CDC42SE2: variants seen among roughly 807,000 people sequenced by gnomAD.
CDC42SE2 encodes CDC42 small effector 2, also known as CDC42 small effector protein 2.
A neutral mutation model predicts 11.5 loss-of-function variants in CDC42SE2; 3 were observed. The observed-to-expected ratio is 0.26, with a 90% CI of 0.12 to 0.67. CDC42SE2 has a LOEUF of 0.67. CDC42SE2 is among the 30% of genes least tolerant of loss of function. The probability of loss-of-function intolerance (pLI) is 0.80; values close to 1 mark genes in which losing one functional copy is unlikely to be tolerated. For missense variants in CDC42SE2, 82 were observed against 106.8 expected (o/e 0.77, Z 1.02); for synonymous variants, 33 against 34.8 (o/e 0.95, Z 0.18).
rs961615714 is a variant in CDC42SE2 at position 131,334,958 on chromosome 5, T to G, written c.-286+18814T>G. Among the ~76,000 whole-genome samples the G allele has an allele frequency of 2.0e-5, 3 of 152,114 alleles. No individual in the cohort carries two copies. In the South Asian group the frequency reaches 6.2e-4, roughly 32 times the overall value. On this transcript the variant is annotated intron_variant, in intron 2 of 4. Coordinates refer to ENST00000505065, the MANE Select transcript of CDC42SE2 (RefSeq NM_001375635.1). ...ATTTTTTGAAGGCTTTTTTGTGTCTTTGTTTCCTTCAGTTCTGCTCTGATC... is the reference window on the plus strand; with the variant it reads ...ATTTTTTGAAGGCTTTTTTGTGTCTGTGTTTCCTTCAGTTCTGCTCTGATC...
intron 1 of CDC42SE2, among the ~76,000 whole-genome samples, chr5:131,275,916 A>T (rs2149697317): frequency 6.6e-6 from 1 of 152,110 alleles, no homozygotes; most frequent in African/African-American, 2.4e-5. Context: ...TTTCCATGGT[A>T]AACTAGCAGC....
At chr5:131,290,967 A>G (rs1407801419) in intron 1 of CDC42SE2, among the ~76,000 whole-genome samples, 1 of 152,206 alleles carries the variant, frequency 6.6e-6, no homozygotes, top group Non-Finnish European at 1.5e-5. Context: ...AAGATAAAAA[A>G]GGAAAACCTT....
In CDC42SE2 at chr5:131,359,239, A is replaced by G; in HGVS notation, c.-255A>G. 1 of 515,692 alleles carries G rather than the reference A, an allele frequency of 1.9e-6. No individual in the cohort carries two copies. The allele number at this position is 515,692 out of a possible 1,614,324, so 31.9% of individuals were successfully genotyped here. A position where few individuals can be genotyped will look rare whatever the true frequency, so the allele number is the denominator to read the frequency against. On this transcript the variant is annotated 5_prime_UTR_variant, in exon 3 of 5. Transcript: ENST00000505065. ...CTGTTATAGTCCCTGGGTCAAGACA[A>G]CAATTTTTATACCTTCGTCGTGGTT...
At chr5:131,280,322 A>G (rs1410391716) in intron 1 of CDC42SE2, among the ~76,000 whole-genome samples, 1 of 152,212 alleles carries the variant, frequency 6.6e-6, no homozygotes, top group African/African-American at 2.4e-5. Context: ...ATAACTAGTC[A>G]GTGGTCATGT....
At chr5:131,324,604 A>G (rs1170827943) in intron 2 of CDC42SE2, among the ~76,000 whole-genome samples, 1 of 152,198 alleles carries the variant, frequency 6.6e-6, no homozygotes, top group African/African-American at 2.4e-5. Flanking sequence ...TGAGCTAATG[A>G]AACATAAAAA....
rs369480644 is a variant in CDC42SE2, at chr5:131,391,071, G to A, written c.235G>A (p.Val79Met). ...GCCTGCCAATGTCCAGATGCAGCTC[G>A]TGGATACGAAGGCGGGATAGCCCTG... is the stretch of plus-strand genomic sequence containing the variant. ...GMPANVQMQL[V>M]DTKAG Residue 79 changes from valine (V) to methionine (M), a missense_variant, in exon 5 of 5, where the codon GTG becomes ATG. Coordinates refer to ENST00000505065, the MANE Select transcript of CDC42SE2 (RefSeq NM_001375635.1). The A allele has an allele frequency of 8.1e-6, 13 of 1,612,580 alleles. No individual in the cohort carries two copies. The highest frequency in any genetic ancestry group is 3.3e-5 in the South Asian group (3 of 91,074).
At chr5:131,298,408 C>T (rs1354606248) in intron 1 of CDC42SE2, among the ~76,000 whole-genome samples, 1 of 151,836 alleles carries the variant, frequency 6.6e-6, no homozygotes, top group Non-Finnish European at 1.5e-5. Context: ...AGGCATGAGC[C>T]ACCGCGCCCG....
chr5:131,236,513 G>A, the CDC42SE2 span, among the ~76,000 whole-genome samples: 63,169 of 151,818 alleles, frequency 0.42, 19,074 homozygotes, highest in African/African-American at 0.85. Flanking sequence ...TGCAGTCTCC[G>A]CTTCCTAGGT....
At chr5:131,363,254 C>T (rs1749762473) in intron 3 of CDC42SE2, among the ~76,000 whole-genome samples, 2 of 137,666 alleles carry the variant, frequency 1.5e-5, no homozygotes, top group South Asian at 2.2e-4. Context: ...AAACAAGGAA[C>T]CCTGATTTAC....
intron 1 of CDC42SE2, among the ~76,000 whole-genome samples, chr5:131,275,146 A>G (rs1757074993): frequency 6.6e-6 from 1 of 152,164 alleles, no homozygotes; most frequent in African/African-American, 2.4e-5. Flanking sequence ...TGGAATAAAG[A>G]AAAGGAAAAC....
chr5:131,216,959 G>A, the CDC42SE2 span, among the ~76,000 whole-genome samples: 1 of 152,174 alleles, frequency 6.6e-6, no homozygotes, highest in East Asian at 1.9e-4. Flanking sequence ...AGGTAGCTTA[G>A]ACTGGGTGAA....
At chr5:131,210,900 G>A in the CDC42SE2 span, among the ~76,000 whole-genome samples, 4 of 152,226 alleles carry the variant, frequency 2.6e-5, no homozygotes, top group South Asian at 2.1e-4. Flanking sequence ...GTGCAGAGGC[G>A]GGATCTCAGC....
intron 3 of CDC42SE2, among the ~76,000 whole-genome samples, chr5:131,370,873 C>A (rs902882569): frequency 5.3e-5 from 8 of 151,866 alleles, no homozygotes; most frequent in Non-Finnish European, 1.5e-5. Context: ...GAGGATTAAG[C>A]CTTTGTCTGT....
intron 3 of CDC42SE2, among the ~76,000 whole-genome samples, chr5:131,367,099 AAT>A (rs938691240): frequency 4.0e-5 from 6 of 151,380 alleles, no homozygotes; most frequent in Non-Finnish European, 8.8e-5. Context: ...TATACAATCA[AAT>A]ATATATGTGT....
At chr5:131,342,215 G>A (rs1322093241) in intron 2 of CDC42SE2, among the ~76,000 whole-genome samples, 2 of 149,474 alleles carry the variant, frequency 1.3e-5, no homozygotes, top group Non-Finnish European at 3.0e-5. Flanking sequence ...GGGGGGTGGA[G>A]GTTGCAGTGA....
upstream of CDC42SE2, among the ~76,000 whole-genome samples, chr5:131,262,182 TC>T (rs1756744374): frequency 6.6e-6 from 1 of 151,472 alleles, no homozygotes; most frequent in Non-Finnish European, 1.5e-5. Context: ...TTTTTTTTGT[TC>T]TAGGAAATTT....
chr5:131,350,633 G>GTT (rs1408123859), intron 2 of CDC42SE2, among the ~76,000 whole-genome samples: 4 of 140,188 alleles, frequency 2.9e-5, no homozygotes, highest in African/African-American at 1.2e-4. Context: ...GTGTGTGTGT[G>GTT]TGTGTATATA....
At chr5:131,300,881 T>G (rs1353872226) in intron 1 of CDC42SE2, among the ~76,000 whole-genome samples, 2 of 152,242 alleles carry the variant, frequency 1.3e-5, no homozygotes, top group African/African-American at 2.4e-5. Flanking sequence ...ATGTGCATAT[T>G]GCATAATAAA....
At position 131,346,292 on chromosome 5, in the gene CDC42SE2, A is replaced by G. The variant is rs147563422; in HGVS notation, c.-285-12917A>G. Among the ~76,000 whole-genome samples, 1,382 of 152,294 alleles carry G rather than the reference A, an allele frequency of 9.1e-3. 25 individuals carry two copies. The highest frequency in any genetic ancestry group is 0.032 in the African/African-American group (1,314 of 41,536). The stretch of plus-strand genomic sequence containing the variant: ...GCAGAGACACACATAGGCTCAAAAT[A>G]AAGGGATGGAGGAAGATCTACCAAG... On this transcript the variant is annotated intron_variant, in intron 2 of 4. Transcript: ENST00000505065.
Sources: gnomAD v4.1 joint callset for allele counts (sites outside exome capture counted in the v4.1 genomes callset) on GRCh38, gnomAD v4.1.1 for gene constraint, MANE v1.5 for transcripts, NCBI Gene and HGNC (gene_info 2026-07-23, HGNC 2026-07-21) for gene names.